APP: variants seen among roughly 807,000 people sequenced by gnomAD.
The protein encoded by APP is amyloid beta precursor protein, also known as amyloid-beta precursor protein.
Under a neutral mutation model 101.4 loss-of-function variants are expected in APP, and 31 were observed. The observed-to-expected ratio is 0.31, with a 90% CI of 0.23 to 0.41. The LOEUF (loss-of-function observed/expected upper bound fraction) is 0.41, where lower values mean the gene tolerates loss of function less well. Among genes scored for constraint, APP ranks in the 10% least tolerant of loss-of-function variants. The pLI, the probability that APP is intolerant of heterozygous loss-of-function variation, is 1.00. For synonymous variants in APP, 366 were observed against 364.4 expected (o/e 1.00, Z -0.05); for missense variants, 839 against 1,003.7 (o/e 0.84, Z 2.22).
chr21:26,103,262 T>C (rs2062103695), intron 2 of APP, among the ~76,000 whole-genome samples: 1 of 152,210 alleles, frequency 6.6e-6, no homozygotes, highest in Non-Finnish European at 1.5e-5. Flanking sequence ...AAGGCAAATC[T>C]GGACTACACG....
chr21:26,086,111 GTCAT>G (rs2061697849), intron 3 of APP, among the ~76,000 whole-genome samples: 1 of 152,212 alleles, frequency 6.6e-6, no homozygotes, highest in Non-Finnish European at 1.5e-5. Flanking sequence ...ATGAAGAGCA[GTCAT>G]TCAAATGGAA....
intron 13 of APP, among the ~76,000 whole-genome samples, chr21:25,912,182 A>C (rs1034667461): frequency 6.6e-5 from 10 of 152,206 alleles, no homozygotes; most frequent in Non-Finnish European, 1.5e-4. Flanking sequence ...GCAGCTCACA[A>C]GAGCTGCTGG....
chr21:25,898,767 G>A (rs1292035539), intron 15 of APP, among the ~76,000 whole-genome samples: 2 of 152,168 alleles, frequency 1.3e-5, no homozygotes, highest in African/African-American at 4.8e-5. Flanking sequence ...ACCCTAAGGA[G>A]AGGCATGTTC....
At chr21:26,033,049 TG>T (rs144096316) in intron 5 of APP, among the ~76,000 whole-genome samples, 4,160 of 152,188 alleles carry the variant, frequency 0.027, 197 homozygotes, top group African/African-American at 0.095. Context: ...ACATGATGAA[TG>T]AATAGAAATC....
intron 6 of APP, among the ~76,000 whole-genome samples, chr21:26,015,710 C>A (rs548852772): frequency 6.6e-4 from 101 of 152,158 alleles, no homozygotes; most frequent in African/African-American, 1.7e-3. Flanking sequence ...AACCCTACCT[C>A]AAAAGAAATC....
At chr21:26,142,373 T>C (rs913560893) in intron 1 of APP, among the ~76,000 whole-genome samples, 11 of 152,150 alleles carry the variant, frequency 7.2e-5, no homozygotes, top group African/African-American at 2.4e-5. Flanking sequence ...TAACACTTAC[T>C]CAAAGATGGT....
chr21:26,097,890 C>T (rs45564435), intron 2 of APP, among the ~76,000 whole-genome samples: 5,743 of 152,040 alleles, frequency 0.038, 222 homozygotes, highest in East Asian at 0.14. Flanking sequence ...ACCATCCTGG[C>T]TAACATGGTG....
chr21:25,956,127 C>T (rs45573736), intron 11 of APP, among the ~76,000 whole-genome samples: 192 of 152,292 alleles, frequency 1.3e-3, no homozygotes, highest in African/African-American at 4.4e-3. Context: ...TACATTGCTA[C>T]GTGTACATTT....
chr21:25,914,832 C>T (rs2039275867), intron 13 of APP, among the ~76,000 whole-genome samples: 1 of 152,200 alleles, frequency 6.6e-6, no homozygotes, highest in African/African-American at 2.4e-5. Context: ...GGATTACAGG[C>T]GTGAGCCACT....
chr21:25,971,288 C>T lies in APP; in HGVS notation c.1458+3782G>A, dbSNP rs370852030. Among the ~76,000 whole-genome samples the T allele has an allele frequency of 3.9e-5, 6 of 152,322 alleles. No homozygotes were observed. In the South Asian group the frequency reaches 6.2e-4, roughly 16 times the overall value. Reference sequence around the variant, plus strand: ...GTCTTGATCTCTTGACCTCGTGATCCGCCCGCCTTGGCCTCCCAAAGTGCT... The same window carrying T: ...GTCTTGATCTCTTGACCTCGTGATCTGCCCGCCTTGGCCTCCCAAAGTGCT... On this transcript the variant is annotated intron_variant, in intron 11 of 17. Transcript: ENST00000346798.
intron 2 of APP, among the ~76,000 whole-genome samples, chr21:26,106,267 C>T (rs780845674): frequency 6.6e-6 from 1 of 152,184 alleles, no homozygotes; most frequent in Non-Finnish European, 1.5e-5. Context: ...CCCTCGGTTC[C>T]AGCACCTAGG....
chr21:26,074,325 G>T (rs1296709981), intron 3 of APP, among the ~76,000 whole-genome samples: 1 of 152,032 alleles, frequency 6.6e-6, no homozygotes, highest in Non-Finnish European at 1.5e-5. Flanking sequence ...ACTTAATAAA[G>T]ACATTAAAAT....
chr21:25,906,689 A>G (rs188381626), intron 14 of APP, among the ~76,000 whole-genome samples: 1 of 151,538 alleles, frequency 6.6e-6, no homozygotes, highest in African/African-American at 2.4e-5. Context: ...ATTTGCAGCA[A>G]CCTGTAATGA....
intron 13 of APP, among the ~76,000 whole-genome samples, chr21:25,945,349 A>C (rs888793797): frequency 6.8e-6 from 1 of 147,502 alleles, no homozygotes; most frequent in South Asian, 2.1e-4. Context: ...AATATTCCCC[A>C]AAATGATCTA....
intron 2 of APP, among the ~76,000 whole-genome samples, chr21:26,102,969 T>A (rs2062097197): frequency 6.7e-6 from 1 of 148,362 alleles, no homozygotes; most frequent in Non-Finnish European, 1.5e-5. Flanking sequence ...CTATGAGAGA[T>A]ACTTTTTGCT....
intron 8 of APP, among the ~76,000 whole-genome samples, chr21:25,983,555 A>C (rs2042520525): frequency 6.6e-6 from 1 of 152,250 alleles, no homozygotes; most frequent in Admixed American, 6.5e-5. Flanking sequence ...CCTTCAAGAA[A>C]ATGTCTGGAA....
intron 13 of APP, among the ~76,000 whole-genome samples, chr21:25,933,178 A>T (rs1364678452): frequency 1.3e-5 from 2 of 152,244 alleles, no homozygotes; most frequent in Admixed American, 1.3e-4. Context: ...AGCTCACTTG[A>T]ACCTTGAACT....
At chr21:25,885,312 C>T (rs367886885) in intron 17 of APP, among the ~76,000 whole-genome samples, 91 of 152,374 alleles carry the variant, frequency 6.0e-4, no homozygotes, top group African/African-American at 2.1e-3. Flanking sequence ...ACAGCAGTGG[C>T]ATGGGCCACC....
intron 3 of APP, among the ~76,000 whole-genome samples, chr21:26,060,470 C>T (rs1411042497): frequency 1.3e-5 from 2 of 152,190 alleles, no homozygotes; most frequent in African/African-American, 2.4e-5. Flanking sequence ...TCACTGCATA[C>T]TTACAATTAT....
Sources: gnomAD v4.1 joint callset for allele counts (sites outside exome capture counted in the v4.1 genomes callset) on GRCh38, gnomAD v4.1.1 for gene constraint, MANE v1.5 for transcripts, NCBI Gene and HGNC (gene_info 2026-07-23, HGNC 2026-07-21) for gene names.